UGT2B17: variants seen among roughly 807,000 people sequenced by gnomAD.
UGT2B17 encodes the protein UDP-glucuronosyltransferase 2B17.
In UGT2B17, 21 loss-of-function variants were observed where a neutral mutation model predicts 48.2. The observed-to-expected ratio is 0.44, with a 90% CI of 0.31 to 0.63. The LOEUF (loss-of-function observed/expected upper bound fraction) is 0.63. Among genes scored for constraint, UGT2B17 ranks in the 20% least tolerant of loss-of-function variants. UGT2B17 has a pLI of 0.08. For missense variants in UGT2B17, 402 were observed against 696.1 expected, an observed-to-expected ratio of 0.58 and a Z score of 4.75; for synonymous variants, 146 against 238.4, an observed-to-expected ratio of 0.61 and a Z score of 3.57.
At chr4:68,542,265 A>T (rs1245311876) in intron 6 of UGT2B17, among the ~76,000 whole-genome samples, 1 of 126,180 alleles carries the variant, frequency 7.9e-6, no homozygotes, top group Admixed American at 8.1e-5. Context: ...TGTTTTGGTT[A>T]TGTAGCCTAA....
rs369617587 is a variant in UGT2B17, at chr4:68,568,188, A to T, written c.297T>A (p.Tyr99Ter). 1.5e-6 allele frequency: 2 copies of T among 1,377,896 alleles called. 1 individual carries two copies. The highest frequency in any genetic ancestry group is 1.7e-4 in the East Asian group (2 of 12,120). The allele number at this position is 1,377,896 out of a possible 1,614,324, so 85.4% of individuals were successfully genotyped here. A position where few individuals can be genotyped will look rare whatever the true frequency, so the allele number is the denominator to read the frequency against. ...ACCAAAATGTATTTTTTGAAATACTATATGTCCATCTATCGAACATTTTCA... is the reference window on the plus strand; with the variant it reads ...ACCAAAATGTATTTTTTGAAATACTTTATGTCCATCTATCGAACATTTTCA... Reference protein sequence around the residue: ...FFMKMFDRWTYSISKNTFWSY... With the variant: ...FFMKMFDRWT The change falls in exon 2 of 7, where the codon TAT becomes TAA. Residue 99 changes from tyrosine to a stop codon, truncating the protein, a stop_gained. Transcript: ENST00000317746. LOFTEE classifies it high-confidence loss of function.
At chr4:68,566,508 G>A (rs1250876121) in intron 2 of UGT2B17, among the ~76,000 whole-genome samples, 3 of 126,952 alleles carry the variant, frequency 2.4e-5, no homozygotes, top group Non-Finnish European at 5.0e-5. Context: ...ATGATATTGA[G>A]TGAGCTCTCA....
rs1369114111 is a variant in UGT2B17, at chr4:68,537,402, G to A, written c.*223C>T. 5.8e-6 allele frequency: 2 copies of A among 347,394 alleles called. No individual in the cohort carries two copies. Among genetic ancestry groups the A allele is most frequent in the Non-Finnish European group, 8.6e-6 (2 of 231,906 alleles). 21.5% of individuals were successfully genotyped at this position (347,394 alleles called of 1,614,324 possible). On this transcript the variant is annotated 3_prime_UTR_variant, in exon 7 of 7. Coordinates refer to ENST00000317746, the MANE Select transcript of UGT2B17 (RefSeq NM_001077.4). ...AATAAATTTCAATATAAGCCCATAA[G>A]GTTTTATATTATTATTTTTCATAGC...
Position 68,547,306 on chromosome 4 carries a change from C to A in UGT2B17, c.1313+3371G>T, listed in dbSNP as rs1264224615. Among the ~76,000 whole-genome samples, 2 of 125,470 alleles carry A rather than the reference C, an allele frequency of 1.6e-5. 1 individual carries two copies. The allele number at this position is 125,470 out of a possible 152,430, so 82.3% of individuals were successfully genotyped here. On this transcript the variant is annotated intron_variant, in intron 6 of 6. Coordinates refer to ENST00000317746, the MANE Select transcript of UGT2B17 (RefSeq NM_001077.4). ...ACTATCTGATCTTTGACAAACCTTACAAAAACAAGAAATGGGGAAAGGATT... is the reference window on the plus strand; with the variant it reads ...ACTATCTGATCTTTGACAAACCTTAAAAAAACAAGAAATGGGGAAAGGATT...
rs1161379395 is a variant in UGT2B17, at chr4:68,559,399, T to A, written c.1005+1138A>T. On this transcript the variant is annotated intron_variant, in intron 4 of 6. Transcript: ENST00000317746. ...AATGTAGAAAATTGTATTTTGCTACTTTTTGCTTAACTGATCTTTCACACT... is the reference window on the plus strand; with the variant it reads ...AATGTAGAAAATTGTATTTTGCTACATTTTGCTTAACTGATCTTTCACACT... 5.5e-5 allele frequency among the ~76,000 whole-genome samples: 7 copies of A among 126,464 alleles called. 1 individual carries two copies. Among genetic ancestry groups the A allele is most frequent in the African/African-American group, 1.6e-4 (6 of 37,094 alleles). The allele number at this position is 126,464 out of a possible 152,430, so 83.0% of individuals were successfully genotyped here.
In UGT2B17 at chr4:68,563,628, T is replaced by G. The variant is rs767649080; in HGVS notation, c.873+1944A>C. On this transcript the variant is annotated intron_variant, in intron 3 of 6. Transcript: ENST00000317746. ...ACTAGTCATTTATTCCTTGTCCTCC[T>G]TATTCTCCTATTCTCTTCCCCCTGC... Among the ~76,000 whole-genome samples, 2 of 126,540 alleles carry G rather than the reference T, an allele frequency of 1.6e-5. 1 individual carries two copies. Among genetic ancestry groups the G allele is most frequent in the Non-Finnish European group, 3.4e-5 (2 of 59,664 alleles). The allele number at this position is 126,540 out of a possible 152,430, so 83.0% of individuals were successfully genotyped here.
intron 3 of UGT2B17, among the ~76,000 whole-genome samples, chr4:68,564,145 G>T (rs1731151032): frequency 8.2e-6 from 1 of 122,418 alleles, no homozygotes; most frequent in Admixed American, 8.5e-5. Context: ...ATTGTACAAA[G>T]TTGCCTTTCT....
intron 4 of UGT2B17, among the ~76,000 whole-genome samples, chr4:68,556,619 C>G (rs1396750140): frequency 7.9e-6 from 1 of 126,062 alleles, no homozygotes; most frequent in Non-Finnish European, 1.7e-5. Flanking sequence ...ACAAGGTTTT[C>G]TTGAAGCATA....
At chr4:68,573,815 T>C (rs1317445686) in intron 1 of UGT2B17, among the ~76,000 whole-genome samples, 1 of 127,122 alleles carries the variant, frequency 7.9e-6, no homozygotes, top group Non-Finnish European at 1.7e-5. Context: ...CTTTTAGGTC[T>C]CCAAGGAATG....
rs1333346703 is a variant in UGT2B17 at position 68,551,074 on chromosome 4, G to A, written c.1094-178C>T. Among the ~76,000 whole-genome samples the A allele has an allele frequency of 1.6e-5, 2 of 125,738 alleles. 1 individual carries two copies. Among genetic ancestry groups the A allele is most frequent in the Non-Finnish European group, 3.4e-5 (2 of 59,388 alleles). The allele number at this position is 125,738 out of a possible 152,430, so 82.5% of individuals were successfully genotyped here. ...AGAAGCACCTACTTCTGCTGGAAAG[G>A]TAAGTGAAGGCTACATGAAAAGGTG... On this transcript the variant is annotated intron_variant, in intron 5 of 6. Coordinates refer to ENST00000317746, the MANE Select transcript of UGT2B17 (RefSeq NM_001077.4).
At chr4:68,566,981 G>C (rs1731212231) in intron 2 of UGT2B17, among the ~76,000 whole-genome samples, 1 of 114,552 alleles carries the variant, frequency 8.7e-6, no homozygotes. Context: ...ACCTACTACT[G>C]TCTTGGTTCA....
chr4:68,563,926 C>T (rs1731147245), intron 3 of UGT2B17, among the ~76,000 whole-genome samples: 1 of 125,202 alleles, frequency 8.0e-6, no homozygotes, highest in African/African-American at 2.7e-5. Flanking sequence ...CACATGTTAG[C>T]TAATTTAAAA....
chr4:68,540,161 T>A (rs1730628440), intron 6 of UGT2B17, among the ~76,000 whole-genome samples: 1 of 126,254 alleles, frequency 7.9e-6, no homozygotes, highest in Non-Finnish European at 1.7e-5. Flanking sequence ...GATACATATA[T>A]ACAGATATAT....
Position 68,568,250 on chromosome 4 carries a change from T to A in UGT2B17, c.235A>T (p.Thr79Ser), listed in dbSNP as rs775941751. 2 of 1,375,590 alleles carry A rather than the reference T, an allele frequency of 1.5e-6. No individual in the cohort carries two copies. Among genetic ancestry groups the A allele is most frequent in the African/African-American group, 3.0e-5 (2 of 67,544 alleles). 85.2% of individuals were successfully genotyped at this position (1,375,590 alleles called of 1,614,324 possible). Residue 79 changes from threonine to serine, a missense_variant, in exon 2 of 7, where the codon ACA (threonine) becomes TCA (serine). By Grantham distance (58) the Thr-to-Ser change is moderately conservative. This residue lies in a region of UGT2B17 where 51 missense variants were observed against 108.7 expected (regional missense o/e 0.47). Transcript: ENST00000317746. Reference protein sequence around the residue: ...SSAIKLEVYPTSLTKNDLEDF... With the variant: ...SSAIKLEVYPSSLTKNDLEDF... Reference sequence around the variant, plus strand: ...TCCAAATCATTTTTAGTTAAAGATGTAGGATAAACTTCTAATTTAATAGCA... The same window carrying A: ...TCCAAATCATTTTTAGTTAAAGATGAAGGATAAACTTCTAATTTAATAGCA...
rs1730749024 is a variant in UGT2B17 at position 68,544,297 on chromosome 4, A to T, written c.1313+6380T>A. ...AATATTCAACATTCTTAAAGAAAAG[A>T]ATCTTCAACCCAGAATTTCATATCC... is the stretch of plus-strand genomic sequence containing the variant. On this transcript the variant is annotated intron_variant, in intron 6 of 6. Coordinates refer to ENST00000317746, the MANE Select transcript of UGT2B17 (RefSeq NM_001077.4). Among the ~76,000 whole-genome samples, 2 of 126,706 alleles carry T rather than the reference A, an allele frequency of 1.6e-5. 1 individual carries two copies. The highest frequency in any genetic ancestry group is 5.4e-5 in the African/African-American group (2 of 37,060). The allele number at this position is 126,706 out of a possible 152,430, so 83.1% of individuals were successfully genotyped here. A position where few individuals can be genotyped will look rare whatever the true frequency, so the allele number is the denominator to read the frequency against.
rs1276459775 is a variant in UGT2B17 at position 68,552,835 on chromosome 4, T to G, written c.1006-924A>C. ...TATTTTGCTGTACAACTCCTTTTTTTTTGTTTTTTATTTTTTTTTGGAGTT... is the reference window on the plus strand; with the variant it reads ...TATTTTGCTGTACAACTCCTTTTTTGTTGTTTTTTATTTTTTTTTGGAGTT... On this transcript the variant is annotated intron_variant, in intron 4 of 6. Coordinates refer to ENST00000317746, the MANE Select transcript of UGT2B17 (RefSeq NM_001077.4). Among the ~76,000 whole-genome samples, 7 of 125,734 alleles carry G rather than the reference T, an allele frequency of 5.6e-5. 1 individual carries two copies. Among genetic ancestry groups the G allele is most frequent in the Non-Finnish European group, 1.2e-4 (7 of 59,358 alleles). 82.5% of individuals were successfully genotyped at this position (125,734 alleles called of 152,430 possible).
At chr4:68,569,042 A>G (rs1429419592) in intron 1 of UGT2B17, among the ~76,000 whole-genome samples, 1 of 134,220 alleles carries the variant, frequency 7.5e-6, no homozygotes, top group Non-Finnish European at 1.6e-5. Context: ...TCTAATTTCT[A>G]TCTCTATAGA....
intron 6 of UGT2B17, among the ~76,000 whole-genome samples, chr4:68,538,601 C>T: frequency 7.9e-6 from 1 of 125,876 alleles, no homozygotes; most frequent in Non-Finnish European, 1.7e-5. Flanking sequence ...ACTAGTTTCT[C>T]AGCTTCTACT....
rs1358261475 is a variant in UGT2B17, at chr4:68,575,461, T to A, written c.-65+490A>T. ...CACAAAGTTCTAAGTTTTCCTGGAG[T>A]CATAGTGACTCCATAGTCTCTATTA... On this transcript the variant is annotated intron_variant, in intron 1 of 6. Coordinates refer to ENST00000317746, the MANE Select transcript of UGT2B17 (RefSeq NM_001077.4). Among the ~76,000 whole-genome samples the A allele has an allele frequency of 5.6e-5, 7 of 124,280 alleles. 2 individuals are homozygous for A. Among genetic ancestry groups the A allele is most frequent in the Non-Finnish European group, 1.2e-4 (7 of 59,042 alleles). The allele number at this position is 124,280 out of a possible 152,430, so 81.5% of individuals were successfully genotyped here. A position where few individuals can be genotyped will look rare whatever the true frequency, so the allele number is the denominator to read the frequency against.
Sources: allele counts gnomAD v4.1 joint callset (sites outside exome capture counted in the v4.1 genomes callset), GRCh38; gene constraint gnomAD v4.1.1; regional missense constraint gnomAD v4.1.1; transcripts MANE v1.5; gene names NCBI Gene and HGNC (gene_info 2026-07-23, HGNC 2026-07-21).